Variants in TNFRSF14 observed in about 807,000 individuals in gnomAD.
TNFRSF14 encodes tumor necrosis factor receptor superfamily member 14.
In TNFRSF14, 18 loss-of-function variants were observed where a neutral mutation model predicts 34.1. The ratio of observed to expected loss-of-function variants is 0.53; its 90% CI spans 0.36 to 0.78. TNFRSF14 has a LOEUF of 0.78. TNFRSF14 is among the 30% of genes least tolerant of loss of function. The pLI is 0.00. For missense variants in TNFRSF14, 352 were observed against 379.5 expected, an observed-to-expected ratio of 0.93 and a Z score of 0.60; for synonymous variants, 157 against 153.2, an observed-to-expected ratio of 1.02 and a Z score of -0.18.
chr1:2,556,319 G>T (rs1426201311), upstream of TNFRSF14: 6 of 596,034 alleles, frequency 1.0e-5, no homozygotes, highest in South Asian at 9.1e-5. Context: ...ACCCGGAGTG[G>T]ACTGGAATGG....
intron 1 of TNFRSF14, among the ~76,000 whole-genome samples, chr1:2,557,230 G>A (rs191110906): frequency 1.3e-5 from 2 of 152,338 alleles, no homozygotes; most frequent in Non-Finnish European, 2.9e-5. Flanking sequence ...AGGGGCCCCC[G>A]ACTGCCCATC....
At chr1:2,560,807 G>A (rs1470644341) in intron 5 of TNFRSF14, 93 bp downstream of exon 5, 2 of 1,225,784 alleles carry the variant, frequency 1.6e-6, no homozygotes, top group Non-Finnish European at 1.2e-6. Context: ...CAGCAGAAAG[G>A]CTTGAAGGTC....
Position 2,561,514 on chromosome 1 carries a change from C to T in TNFRSF14, c.552-159C>T. The T allele has an allele frequency of 2.6e-6, 4 of 1,544,116 alleles. No individual in the cohort carries two copies. Among genetic ancestry groups the T allele is most frequent in the Non-Finnish European group, 3.5e-6 (4 of 1,142,166 alleles). Reference sequence around the variant, plus strand: ...CATAGCCGAGCTTGGAAAAGTCAGACAGACCTCTGAGGTCTCATCCTGGAG... The same window carrying T: ...CATAGCCGAGCTTGGAAAAGTCAGATAGACCTCTGAGGTCTCATCCTGGAG... On this transcript the variant is annotated intron_variant, in intron 5 of 7. Coordinates refer to ENST00000355716, the MANE Select transcript of TNFRSF14 (RefSeq NM_003820.4). This position sits in a 1 kb window ranked among gnomAD's most constrained non-coding sequence, Gnocchi z 6.0.
rs749216775 is a variant in TNFRSF14, at chr1:2,556,694, T to G, written c.30T>G (p.Pro10=). The G allele has an allele frequency of 2.5e-6, 4 of 1,608,396 alleles. No homozygotes were observed. In the South Asian group the frequency reaches 3.3e-5, roughly 13 times the overall value. Residue 10 remains proline (P), a synonymous_variant, in exon 1 of 8, where the codon CCT becomes CCG. Coordinates refer to ENST00000355716, the MANE Select transcript of TNFRSF14 (RefSeq NM_003820.4). The stretch of plus-strand genomic sequence containing the variant: ...AGCCTCCTGGAGACTGGGGGCCTCC[T>G]CCCTGGAGATCCACCCCCAAAACCG... MEPPGDWGP[P]PWRSTPKTDV... is the part of the protein sequence containing the mutation.
At chr1:2,562,695 C>T (rs1018888995) in intron 6 of TNFRSF14, 170 bp from the exon 7 acceptor site, 3 of 880,392 alleles carry the variant, frequency 3.4e-6, no homozygotes, top group Non-Finnish European at 5.6e-6. Context: ...GGCTAGCAGT[C>T]CCAACACAGT....
At chr1:2,558,900 C>A in intron 3 of TNFRSF14, 1 of 1,356,008 alleles carries the variant, frequency 7.4e-7, no homozygotes, top group Non-Finnish European at 9.7e-7. Context: ...CCCCCTGTGA[C>A]CTCAGGGGAA....
chr1:2,556,341 A>G (rs1247002117), upstream of TNFRSF14: 1 of 620,604 alleles, frequency 1.6e-6, no homozygotes, highest in East Asian at 3.2e-5. Flanking sequence ...GCAGGGGGAG[A>G]ACTCGCCCCT....
chr1:2,563,725 T>C lies in TNFRSF14; in HGVS notation c.*452T>C. ...TTAGTGGATACCACATCGGAAGTGA[T>C]TTTCTAAATTGGATTTGAATTCGGC... On this transcript the variant is annotated 3_prime_UTR_variant, in exon 8 of 8. Transcript: ENST00000355716. 1 of 240,790 alleles carries C rather than the reference T, an allele frequency of 4.2e-6. No homozygotes were observed. Among genetic ancestry groups the C allele is most frequent in the Non-Finnish European group, 8.1e-6 (1 of 123,440 alleles). The allele number at this position is 240,790 out of a possible 1,614,324, so 14.9% of individuals were successfully genotyped here. A position where few individuals can be genotyped will look rare whatever the true frequency, so the allele number is the denominator to read the frequency against.
rs565512671 is a variant in TNFRSF14 at position 2,559,955 on chromosome 1, C to T, written c.437C>T (p.Pro146Leu). The part of the protein sequence containing the change: ...AACRAYATSS[P>L]GQRVQKGGTE... ...TGCCGCGCTTACGCCACCTCCAGCC[C>T]GGGCCAGAGGGTGCAGAAGGGAGGT... Residue 146 changes from proline (P) to leucine (L), a missense_variant, in exon 4 of 8, where the codon CCG becomes CTG. Transcript: ENST00000355716. The T allele has an allele frequency of 1.9e-5, 30 of 1,585,314 alleles. No individual in the cohort carries two copies. Among genetic ancestry groups the T allele is most frequent in the Non-Finnish European group, 2.3e-5 (27 of 1,164,328 alleles).
intron 4 of TNFRSF14, among the ~76,000 whole-genome samples, chr1:2,560,246 G>C (rs565994341): frequency 2.0e-5 from 3 of 152,124 alleles, no homozygotes; most frequent in Non-Finnish European, 4.4e-5. Flanking sequence ...CCCAGGCCTC[G>C]CTCTCGGGCC....
rs751701410 is a variant in TNFRSF14, at chr1:2,556,434, C to A, written c.-231C>A. 7.2e-6 allele frequency: 5 copies of A among 696,378 alleles called. No homozygotes were observed. The highest frequency in any genetic ancestry group is 1.3e-5 in the Non-Finnish European group (5 of 381,694). 43.1% of individuals were successfully genotyped at this position (696,378 alleles called of 1,614,324 possible). A position where few individuals can be genotyped will look rare whatever the true frequency, so the allele number is the denominator to read the frequency against. The stretch of plus-strand genomic sequence containing the variant: ...TGCCTCCCGCAGGGCCCACCTGTGT[C>A]CCCCAGCGCCGCTCCACCCAGCAGG... On this transcript the variant is annotated 5_prime_UTR_variant, in exon 1 of 8. Transcript: ENST00000355716.
intron 6 of TNFRSF14, chr1:2,562,603 T>C (rs1260716886): frequency 3.3e-6 from 2 of 601,816 alleles, no homozygotes; most frequent in East Asian, 2.8e-5. Context: ...GGGTTAGTTA[T>C]GCACTTGGGG....
chr1:2,555,864 C>T (rs1353646894), upstream of TNFRSF14: 1 of 156,040 alleles, frequency 6.4e-6, no homozygotes, highest in Non-Finnish European at 1.4e-5. The surrounding 1 kb of genome is among the most constrained non-coding windows in gnomAD (Gnocchi z 6.3). Flanking sequence ...TCCCTACCAC[C>T]AGGCTCTGTG....
chr1:2,562,867 G>A lies in TNFRSF14; in HGVS notation c.697G>A (p.Asp233Asn), dbSNP rs756119640. Residue 233 changes from aspartate (D) to asparagine (N), a missense_variant and splice_region_variant, in exon 7 of 8, where the codon GAT becomes AAT. Physicochemically the swap from Asp to Asn is conservative, Grantham distance 23 (BLOSUM62 1). Transcript: ENST00000355716. ...ICVKRRKPRG[D>N]VVKVIVSVQR... ...ACCTGTGTGTCTGTGTATTGCAGGT[G>A]ATGTAGTCAAGGTGATCGTCTCCGT... 1 of 1,613,856 alleles carries A rather than the reference G, an allele frequency of 6.2e-7. No individual in the cohort carries two copies. The highest frequency in any genetic ancestry group is 1.7e-5 in the Admixed American group (1 of 60,000).
chr1:2,558,682 C>G, intron 3 of TNFRSF14: 1 of 1,153,028 alleles, frequency 8.7e-7, no homozygotes, highest in South Asian at 1.6e-5. Flanking sequence ...ACTTTGTCAC[C>G]GCCAGGTGGG....
intron 4 of TNFRSF14, 195 bp from the exon 5 acceptor site, chr1:2,560,429 A>G: frequency 1.7e-6 from 1 of 582,884 alleles, no homozygotes; most frequent in Non-Finnish European, 3.1e-6. Context: ...CAGCTACTCA[A>G]GGCCGGGACA....
rs561661021 is a variant in TNFRSF14, at chr1:2,563,354, G to C, written c.*81G>C. On this transcript the variant is annotated 3_prime_UTR_variant, in exon 8 of 8. Coordinates refer to ENST00000355716, the MANE Select transcript of TNFRSF14 (RefSeq NM_003820.4). ...AGGCTGTCCACCTGGCGGAACCACC[G>C]GAGCCCGGAGGCTTGGGGGCTCCGC... The C allele has an allele frequency of 1.4e-5, 22 of 1,575,828 alleles. No individual in the cohort carries two copies. Among genetic ancestry groups the C allele is most frequent in the African/African-American group, 6.8e-5 (5 of 73,982 alleles).
At chr1:2,560,566 G>T (rs545324789) in intron 4 of TNFRSF14, 58 bp from the exon 5 acceptor site, 5 of 1,378,808 alleles carry the variant, frequency 3.6e-6, no homozygotes, top group African/African-American at 1.4e-5. Flanking sequence ...GTCCCTAGCC[G>T]CCAGCCCCCT....
At chr1:2,562,422 C>T in intron 6 of TNFRSF14, 1 of 248,636 alleles carries the variant, frequency 4.0e-6, no homozygotes. Context: ...GGCAGCAAAG[C>T]CACCTGATCC....
Sources: gnomAD v4.1 joint callset for allele counts (sites outside exome capture counted in the v4.1 genomes callset) on GRCh38, gnomAD v4.1.1 for gene constraint, Gnocchi (gnomAD v3.1) non-coding constraint, MANE v1.5 for transcripts, NCBI Gene and HGNC (gene_info 2026-07-23, HGNC 2026-07-21) for gene names.